Variants in CNTN5 observed in about 807,000 individuals in gnomAD.
The protein encoded by CNTN5 is contactin 5, also known as contactin-5.
CNTN5 carries 77 observed loss-of-function variants against 129.1 expected under a neutral mutation model. The ratio of observed to expected loss-of-function variants is 0.60; its 90% confidence interval spans 0.50 to 0.72. CNTN5 has a LOEUF of 0.72. Ranked by LOEUF, CNTN5 falls within the 30% of genes least tolerant of loss-of-function variation. The pLI is 0.00. For missense variants in CNTN5, 1,478 were observed against 1,328.8 expected, an observed-to-expected ratio of 1.11 and a Z score of -1.75; for synonymous variants, 509 against 465.6, an observed-to-expected ratio of 1.09 and a Z score of -1.20.
rs1024579226 is a variant in CNTN5, at chr11:99,841,897, T to C, written c.278-2955T>C. The stretch of plus-strand genomic sequence containing the variant: ...ACACATACATATACATATATATATA[T>C]TTTTTTTTTATGGAGTTTCACTCTT... On this transcript the variant is annotated intron_variant, in intron 4 of 24. Coordinates refer to ENST00000524871, the MANE Select transcript of CNTN5 (RefSeq NM_014361.4). 1.5e-4 allele frequency among the ~76,000 whole-genome samples: 7 copies of C among 47,410 alleles called. No homozygotes were observed. The East Asian group carries it at 6.4e-3, about 43-fold the overall frequency. The allele number at this position is 47,410 out of a possible 152,430, so 31.1% of individuals were successfully genotyped here.
intron 1 of CNTN5, among the ~76,000 whole-genome samples, chr11:99,316,744 A>AT (rs1865356408): frequency 6.6e-6 from 1 of 151,778 alleles, no homozygotes; most frequent in Non-Finnish European, 1.5e-5. Context: ...AAAAAAAAAA[A>AT]GAAAAAGACC....
intron 3 of CNTN5, among the ~76,000 whole-genome samples, chr11:99,733,422 T>G: frequency 6.6e-6 from 1 of 151,402 alleles, no homozygotes; most frequent in East Asian, 1.9e-4. Context: ...ACAAAGTTCT[T>G]GAAGGCTGTT....
intron 3 of CNTN5, among the ~76,000 whole-genome samples, chr11:99,660,917 T>C (rs1952571064): frequency 6.6e-6 from 1 of 151,982 alleles, no homozygotes; most frequent in Non-Finnish European, 1.5e-5. Flanking sequence ...AGATAATTAA[T>C]TTCACTGCCA....
chr11:99,299,445 A>G (rs1864528288), intron 1 of CNTN5, among the ~76,000 whole-genome samples: 2 of 152,198 alleles, frequency 1.3e-5, no homozygotes, highest in African/African-American at 4.8e-5. Flanking sequence ...TGAACTGGCA[A>G]AAGGAAGAAT....
chr11:99,767,499 A>G (rs895159681), intron 3 of CNTN5, among the ~76,000 whole-genome samples: 3 of 152,110 alleles, frequency 2.0e-5, no homozygotes, highest in Non-Finnish European at 4.4e-5. Flanking sequence ...TCAATTTCCT[A>G]TAGCATATGT....
intron 9 of CNTN5, among the ~76,000 whole-genome samples, chr11:100,013,547 A>C (rs944709198): frequency 2.0e-5 from 3 of 152,182 alleles, no homozygotes; most frequent in Non-Finnish European, 4.4e-5. Context: ...TCCATATCAC[A>C]CTCAGATTCC....
intron 2 of CNTN5, among the ~76,000 whole-genome samples, chr11:99,388,364 G>A (rs533997953): frequency 1.5e-5 from 2 of 137,652 alleles, no homozygotes; most frequent in East Asian, 2.2e-4. Context: ...GTAGTGAGCC[G>A]AGATCACACC....
chr11:99,184,394 C>T (rs149448487), intron 1 of CNTN5, among the ~76,000 whole-genome samples: 220 of 152,168 alleles, frequency 1.4e-3, no homozygotes, highest in Non-Finnish European at 2.2e-3. Flanking sequence ...CACCACTTAA[C>T]TTGGCAAATT....
At chr11:100,290,330 G>A (rs1252986343) in intron 18 of CNTN5, among the ~76,000 whole-genome samples, 5 of 152,046 alleles carry the variant, frequency 3.3e-5, no homozygotes, top group Non-Finnish European at 7.4e-5. Context: ...CAAAGCTAGA[G>A]GCATCACACT....
At chr11:99,844,532 G>C (rs1017297898) in intron 4 of CNTN5, 1 of 353,192 alleles carries the variant, frequency 2.8e-6, no homozygotes, top group Admixed American at 4.5e-5. Flanking sequence ...TTAAGATATT[G>C]TTTATGCTTA....
chr11:99,074,307 T>C (rs1487587571), intron 1 of CNTN5, among the ~76,000 whole-genome samples: 1 of 152,042 alleles, frequency 6.6e-6, no homozygotes, highest in African/African-American at 2.4e-5. Flanking sequence ...TTGCAAAAAT[T>C]TTCTCCCATT....
chr11:100,290,141 T>C (rs1950923523), intron 18 of CNTN5, among the ~76,000 whole-genome samples: 2 of 151,808 alleles, frequency 1.3e-5, no homozygotes, highest in South Asian at 4.2e-4. Flanking sequence ...TCCATGCTCC[T>C]GGGTAGGAAG....
At chr11:100,209,369 TA>T (rs1230084345) in intron 15 of CNTN5, among the ~76,000 whole-genome samples, 1 of 152,220 alleles carries the variant, frequency 6.6e-6, no homozygotes. Flanking sequence ...CTTACCAAAT[TA>T]ACCAGCCACT....
chr11:99,609,015 C>G (rs1036351040), intron 3 of CNTN5, among the ~76,000 whole-genome samples: 1 of 152,084 alleles, frequency 6.6e-6, no homozygotes, highest in Non-Finnish European at 1.5e-5. Context: ...TAAACTTGTC[C>G]TTTAGCTTTG....
chr11:99,726,701 A>T (rs138255862), intron 3 of CNTN5, among the ~76,000 whole-genome samples: 184 of 152,352 alleles, frequency 1.2e-3, no homozygotes, highest in African/African-American at 4.3e-3. Flanking sequence ...TTTCAAGATG[A>T]TACGAGCAGC....
chr11:100,056,098 A>G lies in CNTN5; in HGVS notation c.981-5114A>G, dbSNP rs367719998. ...AGCCATTGAGCTTTACGTTTATGTG[A>G]TTATATTTTTGTCTTTAAATGTCTA... On this transcript the variant is annotated intron_variant, in intron 9 of 24. Transcript: ENST00000524871. Among the ~76,000 whole-genome samples the G allele has an allele frequency of 8.6e-5, 13 of 151,750 alleles. No individual in the cohort carries two copies. The East Asian group carries it at 1.2e-3, about 14-fold the overall frequency.
chr11:100,272,797 A>C (rs1449270347), intron 18 of CNTN5, among the ~76,000 whole-genome samples: 3 of 151,836 alleles, frequency 2.0e-5, no homozygotes, highest in African/African-American at 7.3e-5. Context: ...GGAGCAACCC[A>C]CTCTTGCCAC....
intron 9 of CNTN5, among the ~76,000 whole-genome samples, chr11:100,033,516 C>T (rs1941827762): frequency 1.3e-5 from 2 of 152,184 alleles, no homozygotes; most frequent in Admixed American, 6.5e-5. Flanking sequence ...TCCCTTTTCA[C>T]TAGGACCCCT....
At chr11:99,506,702 C>A (rs1001187305) in intron 2 of CNTN5, among the ~76,000 whole-genome samples, 7 of 151,998 alleles carry the variant, frequency 4.6e-5, no homozygotes, top group African/African-American at 1.7e-4. Context: ...AATTAAATAA[C>A]CAGTAGTTCT....
Sources: gnomAD v4.1 joint callset for allele counts (sites outside exome capture counted in the v4.1 genomes callset) on GRCh38, gnomAD v4.1.1 for gene constraint, MANE v1.5 for transcripts, NCBI Gene and HGNC (gene_info 2026-07-23, HGNC 2026-07-21) for gene names.